Variants in CDH4 observed in about 807,000 individuals in gnomAD.
The protein encoded by CDH4 is cadherin-4.
A neutral mutation model predicts 86.0 loss-of-function variants in CDH4; 33 were observed. The ratio of observed to expected loss-of-function variants is 0.38; its 90% CI spans 0.29 to 0.51. The LOEUF (loss-of-function observed/expected upper bound fraction) is 0.51. Ranked by LOEUF, CDH4 falls within the 20% of genes least tolerant of loss-of-function variation. The pLI is 0.86. For missense variants in CDH4, 1,114 were observed against 1,307.4 expected (o/e 0.85, Z 2.28); for synonymous variants, 555 against 549.4 (o/e 1.01, Z -0.14).
At chr20:61,420,658 G>T (rs1342092648) in intron 2 of CDH4, among the ~76,000 whole-genome samples, 1 of 152,252 alleles carries the variant, frequency 6.6e-6, no homozygotes, top group East Asian at 1.9e-4. Context: ...GCTCTGGAAG[G>T]TTCATAGCAG....
intron 2 of CDH4, among the ~76,000 whole-genome samples, chr20:61,496,319 T>C (rs980292376): frequency 2.0e-5 from 3 of 151,980 alleles, no homozygotes; most frequent in Non-Finnish European, 2.9e-5. Flanking sequence ...GGAGGATCAC[T>C]TGAACCAGGA....
chr20:61,356,184 AC>A (rs2084749117), intron 2 of CDH4, among the ~76,000 whole-genome samples: 1 of 152,146 alleles, frequency 6.6e-6, no homozygotes, highest in Non-Finnish European at 1.5e-5. Flanking sequence ...ATCTGGAATG[AC>A]CACTGTTCCT....
At chr20:61,621,465 A>G (rs1001449077) in intron 2 of CDH4, among the ~76,000 whole-genome samples, 1 of 152,208 alleles carries the variant, frequency 6.6e-6, no homozygotes, top group African/African-American at 2.4e-5. Flanking sequence ...GTAATAAAGA[A>G]TTTTTTGGAT....
chr20:61,252,585 C>T lies in CDH4; in HGVS notation c.57+15C>T. 3 of 1,201,010 alleles carry T rather than the reference C, an allele frequency of 2.5e-6. No individual in the cohort carries two copies. The highest frequency in any genetic ancestry group is 3.1e-6 in the Non-Finnish European group (3 of 967,808). The allele number at this position is 1,201,010 out of a possible 1,614,324, so 74.4% of individuals were successfully genotyped here. A position where few individuals can be genotyped will look rare whatever the true frequency, so the allele number is the denominator to read the frequency against. ...GCGCGCTCCGGGTAAGTTGCCGCCT[C>T]CCGCCCCCGCCGTTCGGAAGCCCCG... On this transcript the variant is annotated intron_variant, in intron 1 of 15. Transcript: ENST00000614565. The surrounding 1 kb of genome is among the most constrained non-coding windows in gnomAD (Gnocchi z 4.4).
chr20:61,581,238 T>G lies in CDH4; in HGVS notation c.170-162325T>G, dbSNP rs534293458. Among the ~76,000 whole-genome samples, 6 of 152,300 alleles carry G rather than the reference T, an allele frequency of 3.9e-5. No individual in the cohort carries two copies. The East Asian group carries it at 9.7e-4, about 25-fold the overall frequency. ...GATCCGTGCATGATGTCTCGCCATA[T>G]GTATTAGTTTCCTGTGGCTGCTGTT... On this transcript the variant is annotated intron_variant, in intron 2 of 15. Transcript: ENST00000614565.
chr20:61,663,347 G>A lies in CDH4; in HGVS notation c.170-80216G>A, dbSNP rs1277312329. ...GGAGCTCCTGGGAGGGTGACGCTGG[G>A]GCAGGGGCTGCTGCGGACAAGCGTT... On this transcript the variant is annotated intron_variant, in intron 2 of 15. Transcript: ENST00000614565. This position sits in a 1 kb window ranked among gnomAD's most constrained non-coding sequence, Gnocchi z 5.0. Among the ~76,000 whole-genome samples the A allele has an allele frequency of 6.6e-6, 1 of 152,230 alleles. No homozygotes were observed. Among genetic ancestry groups the A allele is most frequent in the African/African-American group, 2.4e-5 (1 of 41,474 alleles).
chr20:61,904,762 G>A (rs933043242), intron 8 of CDH4, among the ~76,000 whole-genome samples: 7 of 152,240 alleles, frequency 4.6e-5, no homozygotes, highest in South Asian at 4.1e-4. Context: ...TGGCAGATGC[G>A]GGACTTCTCC....
At chr20:61,262,932 G>T (rs1568772023) in intron 2 of CDH4, among the ~76,000 whole-genome samples, 1 of 147,420 alleles carries the variant, frequency 6.8e-6, no homozygotes, top group Non-Finnish European at 1.5e-5. Context: ...TTTGAAAGCT[G>T]GGTTAAGTAG....
In CDH4 at chr20:61,393,331, G is replaced by A. The variant is rs1362393890; in HGVS notation, c.169+138394G>A. Among the ~76,000 whole-genome samples, 7 of 151,334 alleles carry A rather than the reference G, an allele frequency of 4.6e-5. No individual in the cohort carries two copies. The highest frequency in any genetic ancestry group is 1.7e-4 in the African/African-American group (7 of 41,388). ...AGCATCCGGTCTTCCAGTGGTGTGG[G>A]GGACAGCAGCCGGGGGGGGCCGGGG... On this transcript the variant is annotated intron_variant, in intron 2 of 15. Transcript: ENST00000614565. This position sits in a 1 kb window ranked among gnomAD's most constrained non-coding sequence, Gnocchi z 4.3.
intron 2 of CDH4, among the ~76,000 whole-genome samples, chr20:61,735,081 G>A (rs985692976): frequency 6.6e-6 from 1 of 152,124 alleles, no homozygotes; most frequent in Non-Finnish European, 1.5e-5. Flanking sequence ...AGAGAGAGGG[G>A]TCGTGGAGGA....
In CDH4 at chr20:61,887,750, G is replaced by A. The variant is rs549701635; in HGVS notation, c.1051-7160G>A. On this transcript the variant is annotated intron_variant, in intron 7 of 15. Coordinates refer to ENST00000614565, the MANE Select transcript of CDH4 (RefSeq NM_001794.5). Reference sequence around the variant, plus strand: ...TCTCTGCAGGCTGACATTCTTCTCCGCTTGGATCCCTCCCTTTCCTGCCGG... The same window carrying A: ...TCTCTGCAGGCTGACATTCTTCTCCACTTGGATCCCTCCCTTTCCTGCCGG... Among the ~76,000 whole-genome samples, 29 of 152,346 alleles carry A rather than the reference G, an allele frequency of 1.9e-4. No homozygotes were observed. In the South Asian group the frequency reaches 5.8e-3, roughly 30 times the overall value.
intron 7 of CDH4, among the ~76,000 whole-genome samples, chr20:61,889,126 C>G (rs1165855682): frequency 2.6e-5 from 4 of 152,226 alleles, no homozygotes; most frequent in Non-Finnish European, 5.9e-5. Context: ...ACTCCCTCCT[C>G]CCTCTAGTGA....
chr20:61,450,463 C>A (rs554539597), intron 2 of CDH4, among the ~76,000 whole-genome samples: 14 of 152,266 alleles, frequency 9.2e-5, no homozygotes, highest in African/African-American at 3.4e-4. Context: ...TTGCACCAAG[C>A]CTTAACCTCT....
In CDH4 at chr20:61,681,858, G is replaced by A. The variant is rs1049964499; in HGVS notation, c.170-61705G>A. 2.0e-5 allele frequency among the ~76,000 whole-genome samples: 3 copies of A among 152,222 alleles called. No individual in the cohort carries two copies. Among genetic ancestry groups the A allele is most frequent in the Admixed American group, 6.5e-5 (1 of 15,288 alleles). On this transcript the variant is annotated intron_variant, in intron 2 of 15. Coordinates refer to ENST00000614565, the MANE Select transcript of CDH4 (RefSeq NM_001794.5). This position sits in a 1 kb window ranked among gnomAD's most constrained non-coding sequence, Gnocchi z 4.5. ...ACATTTGTCTTTGAGGGTGTGTGGT[G>A]TATACGGGAGCAAGCAGGTTCAGCA...
chr20:61,570,524 C>G (rs867484724), intron 2 of CDH4: 1 of 616,320 alleles, frequency 1.6e-6, no homozygotes, highest in Admixed American at 2.5e-5. Flanking sequence ...ATGAGAAGGT[C>G]GATGACAAGG....
chr20:61,391,679 G>A (rs538485554), intron 2 of CDH4, among the ~76,000 whole-genome samples: 27 of 152,198 alleles, frequency 1.8e-4, no homozygotes, highest in Non-Finnish European at 3.4e-4. Context: ...CTTCTCTCCC[G>A]TGGGGAATGT....
At chr20:61,444,154 C>T (rs1213693125) in intron 2 of CDH4, among the ~76,000 whole-genome samples, 1 of 150,170 alleles carries the variant, frequency 6.7e-6, no homozygotes, top group Non-Finnish European at 1.5e-5. Context: ...GTGTGTATGT[C>T]TGTATCTATG....
intron 2 of CDH4, among the ~76,000 whole-genome samples, chr20:61,563,276 A>G (rs2086236061): frequency 6.6e-6 from 1 of 152,226 alleles, no homozygotes; most frequent in Non-Finnish European, 1.5e-5. Flanking sequence ...GTTTTCACAA[A>G]GCAGGCACTC....
intron 2 of CDH4, among the ~76,000 whole-genome samples, chr20:61,545,219 TA>T (rs931656055): frequency 1.3e-5 from 2 of 152,234 alleles, no homozygotes; most frequent in Non-Finnish European, 2.9e-5. Flanking sequence ...CACAGCTTTT[TA>T]AAAAGACCGA....
Sources: gnomAD v4.1 joint callset for allele counts (sites outside exome capture counted in the v4.1 genomes callset) on GRCh38, gnomAD v4.1.1 for gene constraint, Gnocchi (gnomAD v3.1) non-coding constraint, MANE v1.5 for transcripts, NCBI Gene and HGNC (gene_info 2026-07-23, HGNC 2026-07-21) for gene names.